The following KYAT1 variants were observed in gnomAD, a reference collection of about 807,000 sequenced individuals.
KYAT1 encodes kynurenine aminotransferase 1, also known as kynurenine--oxoglutarate transaminase 1.
A neutral mutation model predicts 52.4 loss-of-function variants in KYAT1; 47 were observed. The ratio of observed to expected loss-of-function variants is 0.90; its 90% CI spans 0.71 to 1.14. The LOEUF (loss-of-function observed/expected upper bound fraction) is 1.14, where lower values mean the gene tolerates loss of function less well. Among genes scored for constraint, KYAT1 ranks in the 50% most tolerant of loss-of-function variants. The pLI, the probability that KYAT1 is intolerant of heterozygous loss-of-function variation, is 0.00. For missense variants in KYAT1, 480 were observed against 557.9 expected (o/e 0.86, Z 1.41); for synonymous variants, 212 against 209.6 (o/e 1.01, Z -0.10).
intron 1 of KYAT1, among the ~76,000 whole-genome samples, chr9:128,872,799 G>A (rs749713327): frequency 2.7e-5 from 4 of 150,718 alleles, no homozygotes; most frequent in East Asian, 2.0e-4. Flanking sequence ...TTGGCCAGAC[G>A]TGGTGGCTCA....
intron 1 of KYAT1, among the ~76,000 whole-genome samples, chr9:128,846,470 A>G (rs1236141600): frequency 6.6e-6 from 1 of 151,672 alleles, no homozygotes; most frequent in Non-Finnish European, 1.5e-5. Flanking sequence ...GTCATGACAC[A>G]TGCCTGTAAT....
intron 1 of KYAT1, among the ~76,000 whole-genome samples, chr9:128,853,041 A>G (rs748258820): frequency 1.6e-4 from 25 of 152,224 alleles, no homozygotes; most frequent in Non-Finnish European, 4.4e-5. Context: ...TCACAGTACA[A>G]CTAAGACTTT....
intron 1 of KYAT1, among the ~76,000 whole-genome samples, chr9:128,876,405 TG>T (rs1018024630): frequency 1.0e-4 from 13 of 130,336 alleles, no homozygotes; most frequent in Non-Finnish European, 1.7e-4. Context: ...AGTCATCCTT[TG>T]TTCTTTTTTT....
intron 1 of KYAT1, among the ~76,000 whole-genome samples, chr9:128,873,945 CAA>C (rs55713807): frequency 3.2e-3 from 337 of 105,808 alleles, no homozygotes; most frequent in African/African-American, 6.0e-3. Flanking sequence ...ATCTCCGTCT[CAA>C]AAAAAAAAAA....
At chr9:128,850,400 CAT>C (rs1833794818) in intron 1 of KYAT1, among the ~76,000 whole-genome samples, 1 of 152,196 alleles carries the variant, frequency 6.6e-6, no homozygotes. Context: ...CTCACAAAAA[CAT>C]GTGTTGTAGG....
rs541569451 is a variant in KYAT1, at chr9:128,853,718, A to G, written c.-6-8307T>C. On this transcript the variant is annotated intron_variant, in intron 1 of 12. Transcript: ENST00000302586. ...CATCTGCATTCATAAAAGCATAAAA[A>G]CTTCGTGCCTTGACTCATGTAAATG... Among the ~76,000 whole-genome samples, 82 of 152,362 alleles carry G rather than the reference A, an allele frequency of 5.4e-4. 1 individual carries two copies. Among genetic ancestry groups the G allele is most frequent in the Admixed American group, 5.4e-3 (82 of 15,296 alleles).
At chr9:128,838,654 T>C (rs528272798) in intron 3 of KYAT1, among the ~76,000 whole-genome samples, 1 of 152,346 alleles carries the variant, frequency 6.6e-6, no homozygotes, top group East Asian at 1.9e-4. Flanking sequence ...ACAATCTATA[T>C]GGTCCCAGAC....
At chr9:128,872,030 G>A (rs533966502) in intron 1 of KYAT1, among the ~76,000 whole-genome samples, 1 of 151,976 alleles carries the variant, frequency 6.6e-6, no homozygotes, top group Non-Finnish European at 1.5e-5. Context: ...TCCGGAGGCT[G>A]GGGCAGGAGA....
At chr9:128,860,897 G>T (rs553183644) in intron 1 of KYAT1, among the ~76,000 whole-genome samples, 1 of 152,150 alleles carries the variant, frequency 6.6e-6, no homozygotes, top group Non-Finnish European at 1.5e-5. Context: ...TCTTATATGG[G>T]CATGGTTTGT....
In KYAT1 at chr9:128,835,842, G is replaced by A. The variant is rs778226332; in HGVS notation, c.792C>T (p.His264=). 2.5e-6 allele frequency: 4 copies of A among 1,613,966 alleles called. No individual in the cohort carries two copies. The South Asian group carries it at 3.3e-5, about 13-fold the overall frequency. Residue 264 remains histidine, a synonymous_variant, in exon 9 of 13, where the codon CAC becomes CAT. Transcript: ENST00000302586. ...GCACGGTCCGCAGGTGCTTCATGATGTGATCTGGACCCAGGACCCAGCCCA... is the reference window on the plus strand; with the variant it reads ...GCACGGTCCGCAGGTGCTTCATGATATGATCTGGACCCAGGACCCAGCCCA... The part of the protein sequence containing the change: ...WKVGWVLGPD[H]IMKHLRTVHQ...
chr9:128,840,842 T>A (rs946772927), intron 3 of KYAT1, among the ~76,000 whole-genome samples: 1 of 152,202 alleles, frequency 6.6e-6, no homozygotes, highest in Non-Finnish European at 1.5e-5. Flanking sequence ...AGGCACACAC[T>A]GTTTCTTAAC....
chr9:128,860,754 G>C (rs948785474), intron 1 of KYAT1, among the ~76,000 whole-genome samples: 6 of 151,902 alleles, frequency 3.9e-5, no homozygotes, highest in Admixed American at 3.9e-4. Context: ...GTAGAGATGG[G>C]GTTTCACTAT....
intron 2 of KYAT1, among the ~76,000 whole-genome samples, chr9:128,843,967 CCAG>C (rs1832665806): frequency 6.6e-6 from 1 of 152,152 alleles, no homozygotes; most frequent in African/African-American, 2.4e-5. Flanking sequence ...CTAAAGCCTC[CCAG>C]CTAGTACAAG....
In KYAT1 at chr9:128,833,831, G is replaced by C; in HGVS notation, c.1123-5C>G. On this transcript the variant is annotated splice_region_variant and splice_polypyrimidine_tract_variant and intron_variant, in intron 11 of 12. Transcript: ENST00000302586. ...GACAGGGATGGCCACCAAGCCCTGG[G>C]GAGGAGGAAGGACATGTCTCAACAC... The C allele has an allele frequency of 6.2e-7, 1 of 1,612,872 alleles. No individual in the cohort carries two copies. The highest frequency in any genetic ancestry group is 8.5e-7 in the Non-Finnish European group (1 of 1,178,868).
At chr9:128,835,152 A>AAAG in intron 11 of KYAT1, 171 bp downstream of exon 11, 1 of 648,604 alleles carries the variant, frequency 1.5e-6, no homozygotes, top group Non-Finnish European at 2.7e-6. Context: ...AAAAAAAAAG[A>AAAG]AAGAAAAAAA....
chr9:128,852,677 AG>A (rs1177179964), intron 1 of KYAT1, among the ~76,000 whole-genome samples: 1 of 152,266 alleles, frequency 6.6e-6, no homozygotes, highest in Non-Finnish European at 1.5e-5. Flanking sequence ...GGTAGAGGAA[AG>A]GAAAATTAAA....
chr9:128,839,110 C>T (rs576422898), intron 3 of KYAT1, among the ~76,000 whole-genome samples: 261 of 152,022 alleles, frequency 1.7e-3, no homozygotes, highest in Non-Finnish European at 1.7e-3. Flanking sequence ...ACTACAGGCA[C>T]GCACCACCAT....
rs143974828 is a variant in KYAT1, at chr9:128,848,245, G to C, written c.-6-2834C>G. Among the ~76,000 whole-genome samples the C allele has an allele frequency of 2.3e-3, 351 of 150,416 alleles. 3 individuals are homozygous for C. Among genetic ancestry groups the C allele is most frequent in the African/African-American group, 7.3e-3 (298 of 40,776 alleles). Reference sequence around the variant, plus strand: ...AAAGTGGGAGAATCACTTGATCCTGGAGAGGTCAAGGCTACAGTGAGCCAT... The same window carrying C: ...AAAGTGGGAGAATCACTTGATCCTGCAGAGGTCAAGGCTACAGTGAGCCAT... On this transcript the variant is annotated intron_variant, in intron 1 of 12. Transcript: ENST00000302586.
In KYAT1 at chr9:128,842,729, T is replaced by C; in HGVS notation, c.126A>G (p.Pro42=). The stretch of plus-strand genomic sequence containing the variant: ...GAAAGGCTTCCACGGCAAAGTCTGG[T>C]GGTGGGAAATCCGGGAAGCCCTGGC... ...NLGQGFPDFP[P]PDFAVEAFQH... Residue 42 remains proline, a synonymous_variant, in exon 3 of 13, where the codon CCA becomes CCG. Transcript: ENST00000302586. 6.2e-7 allele frequency: 1 copy of C among 1,614,152 alleles called. No individual in the cohort carries two copies. Among genetic ancestry groups the C allele is most frequent in the Non-Finnish European group, 8.5e-7 (1 of 1,180,022 alleles).
Sources: allele counts gnomAD v4.1 joint callset (sites outside exome capture counted in the v4.1 genomes callset), GRCh38; gene constraint gnomAD v4.1.1; transcripts MANE v1.5; gene names NCBI Gene and HGNC (gene_info 2026-07-23, HGNC 2026-07-21).